The following PCDH11X variants were observed in gnomAD, a reference collection of about 807,000 sequenced individuals.
PCDH11X encodes protocadherin-11 X-linked.
PCDH11X carries 18 observed loss-of-function variants against 53.3 expected under a neutral mutation model. The ratio of observed to expected loss-of-function variants is 0.34; its 90% confidence interval spans 0.23 to 0.50. The LOEUF (loss-of-function observed/expected upper bound fraction) is 0.50, where lower values mean the gene tolerates loss of function less well. PCDH11X is among the 20% of genes least tolerant of loss of function. The pLI is 0.98. For synonymous variants in PCDH11X, 279 were observed against 393.3 expected, an observed-to-expected ratio of 0.71 and a Z score of 3.44; for missense variants, 570 against 1,032.4, an observed-to-expected ratio of 0.55 and a Z score of 6.14.
At chrX:92,156,159 GGA>G (rs1386562535) in intron 6 of PCDH11X, among the ~76,000 whole-genome samples, 2 of 107,534 alleles carry the variant, frequency 1.9e-5, no homozygotes, top group African/African-American at 6.9e-5. Context: ...AGAGACCATA[GGA>G]TTGATTATCC....
chrX:92,205,388 T>C (rs952799134), intron 7 of PCDH11X, among the ~76,000 whole-genome samples: 1 of 111,270 alleles, frequency 9.0e-6, no homozygotes, highest in Non-Finnish European at 1.9e-5. Context: ...ACTACTAGTT[T>C]ATTGAATGTT....
chrX:92,371,020 C>T (rs1250096354), intron 8 of PCDH11X, among the ~76,000 whole-genome samples: 1 of 111,651 alleles, frequency 9.0e-6, no homozygotes, highest in Non-Finnish European at 1.9e-5. Context: ...ATTAGCATAG[C>T]TATGATTGCT....
intron 8 of PCDH11X, among the ~76,000 whole-genome samples, chrX:92,329,277 G>T (rs1450059873): frequency 9.0e-6 from 1 of 111,282 alleles, no homozygotes; most frequent in African/African-American, 3.3e-5. Flanking sequence ...GACTAGAAGA[G>T]AAGCGTTGCA....
intron 6 of PCDH11X, among the ~76,000 whole-genome samples, chrX:92,199,947 C>T (rs1008758509): frequency 9.0e-6 from 1 of 110,622 alleles, no homozygotes; most frequent in Non-Finnish European, 1.9e-5. Flanking sequence ...CGTTGAACTG[C>T]TCACAGTTGA....
intron 4 of PCDH11X, among the ~76,000 whole-genome samples, chrX:91,815,426 G>C: frequency 9.0e-6 from 1 of 111,245 alleles, no homozygotes; most frequent in African/African-American, 3.3e-5. Flanking sequence ...TAAGACAATT[G>C]CAAAAAAATG....
At chrX:92,312,420 T>G (rs192432649) in intron 8 of PCDH11X, among the ~76,000 whole-genome samples, 30 of 110,299 alleles carry the variant, frequency 2.7e-4, no homozygotes, top group African/African-American at 6.2e-4. Flanking sequence ...CGGTGCCACA[T>G]TCTTTCAAAT....
At chrX:91,781,996 C>A (rs112301514) in intron 1 of PCDH11X, among the ~76,000 whole-genome samples, 6,851 of 110,152 alleles carry the variant, frequency 0.062, 569 homozygotes, top group African/African-American at 0.22. Flanking sequence ...GTTCTTCAGT[C>A]GCCTTGGCAG....
rs375317324 is a variant in PCDH11X at position 91,990,449 on chromosome X, T to G, written c.3033+111176T>G. 3.7e-4 allele frequency among the ~76,000 whole-genome samples: 41 copies of G among 110,565 alleles called. No individual in the cohort carries two copies. In the East Asian group the frequency reaches 8.6e-3, roughly 23 times the overall value. Reference sequence around the variant, plus strand: ...CCAAATAATTCTAACAATTCTGTCATTCTGGTGTTGGTGTCTGTTGCTTGC... The same window carrying G: ...CCAAATAATTCTAACAATTCTGTCAGTCTGGTGTTGGTGTCTGTTGCTTGC... On this transcript the variant is annotated intron_variant, in intron 6 of 10. Transcript: ENST00000682573.
intron 8 of PCDH11X, among the ~76,000 whole-genome samples, chrX:92,301,475 G>T (rs1052224549): frequency 1.1e-4 from 12 of 108,858 alleles, no homozygotes; most frequent in African/African-American, 4.0e-4. Flanking sequence ...ACATAGGCTG[G>T]AATTCTGCCC....
intron 6 of PCDH11X, among the ~76,000 whole-genome samples, chrX:91,892,233 C>A (rs745834707): frequency 9.4e-6 from 1 of 106,528 alleles, no homozygotes; most frequent in Admixed American, 1.0e-4. Flanking sequence ...ACATTTGTCC[C>A]GTTGCCATTT....
chrX:92,612,267 A>G (rs1569510454), intron 10 of PCDH11X, among the ~76,000 whole-genome samples: 1 of 110,657 alleles, frequency 9.0e-6, no homozygotes, highest in Non-Finnish European at 1.9e-5. Flanking sequence ...AATTACTGAT[A>G]CAATCTCAAA....
chrX:92,549,553 G>A (rs1239834852), intron 10 of PCDH11X, among the ~76,000 whole-genome samples: 1 of 108,030 alleles, frequency 9.3e-6, no homozygotes, highest in Admixed American at 1.0e-4. Flanking sequence ...CAGATTCACC[G>A]AGTTCCTCTG....
chrX:92,280,792 A>G, intron 8 of PCDH11X, among the ~76,000 whole-genome samples: 1 of 107,110 alleles, frequency 9.3e-6, no homozygotes, highest in African/African-American at 3.5e-5. Flanking sequence ...TATTTTTTTT[A>G]AAAAAAAATT....
rs762455629 is a variant in PCDH11X, at chrX:92,015,430, C to T, written c.3033+136157C>T. ...TGTAGCATGCAATGCTGTTTGATAG[C>T]GTGTTACCCACAGCAAAACTTCTTT... On this transcript the variant is annotated intron_variant, in intron 6 of 10. Coordinates refer to ENST00000682573, the MANE Select transcript of PCDH11X (RefSeq NM_032968.5). Among the ~76,000 whole-genome samples, 6 of 112,352 alleles carry T rather than the reference C, an allele frequency of 5.3e-5. No homozygotes were observed. The East Asian group carries it at 1.7e-3, about 32-fold the overall frequency.
At chrX:91,799,654 GA>G (rs1935863325) in intron 1 of PCDH11X, among the ~76,000 whole-genome samples, 1 of 112,277 alleles carries the variant, frequency 8.9e-6, no homozygotes, top group Admixed American at 9.4e-5. Flanking sequence ...GAGTAGAACT[GA>G]AAGGTGTGAG....
chrX:92,227,053 C>T (rs1280116245), intron 7 of PCDH11X, among the ~76,000 whole-genome samples: 1 of 111,572 alleles, frequency 9.0e-6, no homozygotes, highest in African/African-American at 3.3e-5. Flanking sequence ...AGTATACATT[C>T]TGAGCATTAG....
chrX:92,148,627 A>G (rs2065372875), intron 6 of PCDH11X, among the ~76,000 whole-genome samples: 1 of 109,455 alleles, frequency 9.1e-6, no homozygotes, highest in African/African-American at 3.3e-5. Flanking sequence ...AGGCTTACAT[A>G]AAATAAATTA....
At chrX:92,430,477 T>C (rs181816637) in intron 9 of PCDH11X, among the ~76,000 whole-genome samples, 1,186 of 91,919 alleles carry the variant, frequency 0.013, 61 homozygotes, top group African/African-American at 0.041. Flanking sequence ...CCTTGGCCAA[T>C]AGAACAACTT....
At chrX:91,813,618 A>C (rs752556508) in intron 4 of PCDH11X, among the ~76,000 whole-genome samples, 15 of 107,335 alleles carry the variant, frequency 1.4e-4, no homozygotes, top group Admixed American at 9.8e-5. Flanking sequence ...AGATTTCGAA[A>C]GGTAATAAAC....
Sources: gnomAD v4.1 joint callset for allele counts (sites outside exome capture counted in the v4.1 genomes callset) on GRCh38, gnomAD v4.1.1 for gene constraint, MANE v1.5 for transcripts, NCBI Gene and HGNC (gene_info 2026-07-23, HGNC 2026-07-21) for gene names.